Variants in EML1 observed in about 807,000 individuals in gnomAD.
The protein encoded by EML1 is EMAP like 1.
EML1 carries 27 observed loss-of-function variants against 110.4 expected under a neutral mutation model. That is an observed-to-expected ratio of 0.24 (90% CI 0.18 to 0.34). The LOEUF is 0.34. EML1 is among the 10% of genes least tolerant of loss of function. EML1 has a pLI of 1.00. For missense variants in EML1, 741 were observed against 1,030.9 expected (o/e 0.72, Z 3.85); for synonymous variants, 344 against 385.8 (o/e 0.89, Z 1.27).
intron 1 of EML1, among the ~76,000 whole-genome samples, chr14:99,801,657 C>T (rs1212568666): frequency 6.6e-6 from 1 of 152,066 alleles, no homozygotes; most frequent in Admixed American, 6.5e-5. Context: ...ATTTTAGACT[C>T]TTCTACCCAC....
intron 1 of EML1, among the ~76,000 whole-genome samples, chr14:99,848,453 A>G (rs918089026): frequency 6.6e-6 from 1 of 152,136 alleles, no homozygotes; most frequent in Non-Finnish European, 1.5e-5. Context: ...ATATATATAT[A>G]TTTTAAAACA....
chr14:99,817,166 C>T (rs2058182311), intron 1 of EML1, among the ~76,000 whole-genome samples: 1 of 152,136 alleles, frequency 6.6e-6, no homozygotes, highest in Non-Finnish European at 1.5e-5. Flanking sequence ...GAGTGACGGG[C>T]TTACTACATT....
At chr14:99,828,925 G>T (rs1308000601) in intron 1 of EML1, among the ~76,000 whole-genome samples, 1 of 152,142 alleles carries the variant, frequency 6.6e-6, no homozygotes. Context: ...GGCTGAGGAG[G>T]AGGAGGAAGA....
In EML1 at chr14:99,939,234, T is replaced by C; in HGVS notation, c.2229T>C (p.Asn743=). Residue 743 remains asparagine (N), a synonymous_variant, in exon 21 of 22, where the codon AAT becomes AAC. Transcript: ENST00000262233. This position sits in a 1 kb window ranked among gnomAD's most constrained non-coding sequence, Gnocchi z 4.2. ...WPEGSDGTDI[N]AVCRAHEKKL... Reference sequence around the variant, plus strand: ...AAGGCTCGGACGGAACCGACATCAATGCCGTCTGTCGGGCCCATGAGAAGA... The same window carrying C: ...AAGGCTCGGACGGAACCGACATCAACGCCGTCTGTCGGGCCCATGAGAAGA... 1 of 1,614,198 alleles carries C rather than the reference T, an allele frequency of 6.2e-7. No individual in the cohort carries two copies.
At chr14:99,846,051 A>G (rs935981325) in intron 1 of EML1, among the ~76,000 whole-genome samples, 6 of 146,362 alleles carry the variant, frequency 4.1e-5, no homozygotes, top group Admixed American at 1.4e-4. Context: ...CTCTGTCTCA[A>G]AAAAAAAAAA....
At chr14:99,922,480 A>G (rs191869061) in intron 17 of EML1, among the ~76,000 whole-genome samples, 304 of 152,236 alleles carry the variant, frequency 2.0e-3, no homozygotes, top group Non-Finnish European at 3.3e-3. Context: ...ATTCATGTAT[A>G]TGCCTTTTTG....
At chr14:99,907,606 T>G in intron 9 of EML1, 32 bp from the exon 10 acceptor site, 1 of 1,580,398 alleles carries the variant, frequency 6.3e-7, no homozygotes, top group Non-Finnish European at 8.7e-7. Flanking sequence ...TATTCTCAGA[T>G]ATAGTCTTCC....
chr14:99,831,441 G>A (rs74084776), intron 1 of EML1, among the ~76,000 whole-genome samples: 3,858 of 152,258 alleles, frequency 0.025, 176 homozygotes, highest in African/African-American at 0.088. Flanking sequence ...CATCACTCCT[G>A]TTGCTCCCAT....
chr14:99,798,120 C>T (rs771168568), intron 1 of EML1, among the ~76,000 whole-genome samples: 6 of 152,162 alleles, frequency 3.9e-5, no homozygotes, highest in Non-Finnish European at 7.4e-5. Flanking sequence ...AAGTTGTGTT[C>T]CTTGGGTCCG....
intron 1 of EML1, among the ~76,000 whole-genome samples, chr14:99,794,419 A>G (rs182942862): frequency 1.7e-4 from 26 of 151,866 alleles, no homozygotes; most frequent in Middle Eastern, 3.4e-3. Context: ...AAAAATGTGT[A>G]TTTGATAGAA....
intron 13 of EML1, among the ~76,000 whole-genome samples, chr14:99,913,164 GTTA>G (rs1555403947): frequency 9.0e-5 from 9 of 100,538 alleles, no homozygotes; most frequent in Non-Finnish European, 1.4e-4. Context: ...TTATGGCAGT[GTTA>G]TTATTATTAT....
upstream of EML1, chr14:99,793,252 CCGCGGCCGCCGAGGCCGCCCCCT>C: frequency 1.2e-6 from 1 of 851,926 alleles, no homozygotes; most frequent in South Asian, 5.3e-5. Context: ...GGCCCGGGCC[CCGCGGCCGCCGAGGCCGCCCCCT>C]CGCGGGCGGA....
chr14:99,762,347 GC>G (rs1378992467), intron 1 of EML1, among the ~76,000 whole-genome samples: 1 of 148,100 alleles, frequency 6.8e-6, no homozygotes, highest in East Asian at 2.0e-4. Flanking sequence ...TGTATAACCA[GC>G]CCCCTGAACA....
At chr14:99,888,570 A>T (rs1242453757) in intron 4 of EML1, among the ~76,000 whole-genome samples, 2 of 152,170 alleles carry the variant, frequency 1.3e-5, no homozygotes, top group African/African-American at 4.8e-5. Context: ...TTAATCATAT[A>T]TGTGAAATTT....
At position 99,823,767 on chromosome 14, in the gene EML1, G is replaced by A. The variant is rs2400811; in HGVS notation, c.68-27086G>A. Among the ~76,000 whole-genome samples, 909 of 152,182 alleles carry A rather than the reference G, an allele frequency of 6.0e-3. 9 individuals carry two copies. The highest frequency in any genetic ancestry group is 0.024 in the South Asian group (118 of 4,818). On this transcript the variant is annotated intron_variant, in intron 1 of 21. Coordinates refer to ENST00000262233, the MANE Select transcript of EML1 (RefSeq NM_004434.3). Reference sequence around the variant, plus strand: ...AGTTCCCTGGAGGGTTGAGTATGGTGAAGAACTAAAACAGTGACTGAAGGG... The same window carrying A: ...AGTTCCCTGGAGGGTTGAGTATGGTAAAGAACTAAAACAGTGACTGAAGGG...
chr14:99,740,082 T>G (rs1236979148), intron 1 of EML1, among the ~76,000 whole-genome samples: 2 of 152,160 alleles, frequency 1.3e-5, no homozygotes, highest in African/African-American at 4.8e-5. Flanking sequence ...TGGTTATAGC[T>G]CTTATTATTT....
intron 2 of EML1, among the ~76,000 whole-genome samples, chr14:99,863,895 A>G (rs554298591): frequency 9.9e-5 from 15 of 152,276 alleles, no homozygotes; most frequent in Admixed American, 2.0e-4. Flanking sequence ...ATTTAGCTTT[A>G]TAAGAAACTG....
At chr14:99,904,778 T>C (rs72710045) in intron 9 of EML1, among the ~76,000 whole-genome samples, 35,309 of 151,940 alleles carry the variant, frequency 0.23, 5,285 homozygotes, top group Non-Finnish European at 0.33. Context: ...CTTTATCCAG[T>C]TTTTTTTCAG....
intron 1 of EML1, among the ~76,000 whole-genome samples, chr14:99,755,404 G>T (rs951800100): frequency 6.6e-6 from 1 of 152,212 alleles, no homozygotes; most frequent in East Asian, 1.9e-4. Flanking sequence ...GGTCCCACAC[G>T]CTGTGTGTCC....
Sources: allele counts gnomAD v4.1 joint callset (sites outside exome capture counted in the v4.1 genomes callset), GRCh38; gene constraint gnomAD v4.1.1; non-coding constraint Gnocchi (gnomAD v3.1); transcripts MANE v1.5; gene names NCBI Gene and HGNC (gene_info 2026-07-23, HGNC 2026-07-21).